Variants in ANKS1B observed in about 807,000 individuals in gnomAD.
ANKS1B encodes the protein ankyrin repeat and sterile alpha motif domain-containing protein 1B.
In ANKS1B, 36 loss-of-function variants were observed where a neutral mutation model predicts 148.3. That is an observed-to-expected ratio of 0.24 (90% CI 0.19 to 0.32). The LOEUF is 0.32. Among genes scored for constraint, ANKS1B ranks in the 10% least tolerant of loss-of-function variants. The probability of loss-of-function intolerance (pLI) is 1.00; values close to 1 mark genes in which losing one functional copy is unlikely to be tolerated. For synonymous variants in ANKS1B, 542 were observed against 560.8 expected (o/e 0.97, Z 0.47); for missense variants, 1,157 against 1,542.6 (o/e 0.75, Z 4.19).
At chr12:99,273,492 T>C (rs1435001399) in intron 12 of ANKS1B, among the ~76,000 whole-genome samples, 1 of 151,918 alleles carries the variant, frequency 6.6e-6, no homozygotes, top group Non-Finnish European at 1.5e-5. Context: ...CCACGGCCCA[T>C]GGGCTGCATG....
chr12:99,534,710 CTTTTTTT>C (rs143251962), intron 9 of ANKS1B, among the ~76,000 whole-genome samples: 1 of 123,832 alleles, frequency 8.1e-6, no homozygotes, highest in Admixed American at 8.5e-5. Context: ...TTTTTCTTTT[CTTTTTTT>C]TTTTTTTTTT....
At chr12:99,482,693 G>C (rs1375113222) in intron 10 of ANKS1B, among the ~76,000 whole-genome samples, 1 of 151,946 alleles carries the variant, frequency 6.6e-6, no homozygotes, top group Non-Finnish European at 1.5e-5. Context: ...TTTCAGCAGT[G>C]TTTTGTAGTT....
intron 25 of ANKS1B, among the ~76,000 whole-genome samples, chr12:98,756,556 CAAAAAAAA>C (rs536086383): frequency 1.1e-3 from 118 of 104,560 alleles, no homozygotes; most frequent in African/African-American, 3.8e-3. Context: ...ACTAAAAATA[CAAAAAAAA>C]AAAAAAAAAA....
chr12:98,890,459 C>A (rs2099750041), intron 17 of ANKS1B, among the ~76,000 whole-genome samples: 1 of 152,086 alleles, frequency 6.6e-6, no homozygotes, highest in Admixed American at 6.5e-5. Flanking sequence ...ATATGGTCTG[C>A]AAGTCTTTTC....
At chr12:99,495,665 A>G (rs1430145039) in intron 10 of ANKS1B, among the ~76,000 whole-genome samples, 1 of 152,208 alleles carries the variant, frequency 6.6e-6, no homozygotes, top group African/African-American at 2.4e-5. Context: ...CTTATCAGCA[A>G]GGCCAGTATT....
intron 17 of ANKS1B, among the ~76,000 whole-genome samples, chr12:98,948,946 A>ACTTTTTTTTTTTT (rs2099849726): frequency 1.1e-5 from 1 of 89,178 alleles, no homozygotes; most frequent in African/African-American, 8.1e-5. Context: ...AGCATGAGCT[A>ACTTTTTTTTTTTT]CTTTTTTTTT....
intron 17 of ANKS1B, among the ~76,000 whole-genome samples, chr12:98,889,840 GGTGGTATGTT>G (rs1368766228): frequency 6.6e-6 from 1 of 152,172 alleles, no homozygotes. Flanking sequence ...AACTGCAACA[GGTGGTATGTT>G]TTGTGAATGC....
rs777580863 is a variant in ANKS1B, at chr12:98,777,668, C to T, written c.3441+3449G>A. Among the ~76,000 whole-genome samples, 5 of 152,362 alleles carry T rather than the reference C, an allele frequency of 3.3e-5. No homozygotes were observed. The South Asian group carries it at 6.2e-4, about 19-fold the overall frequency. On this transcript the variant is annotated intron_variant, in intron 24 of 26. Transcript: ENST00000683438. ...GCAAGTTCCACTTTTAATTCAAGATCGCTTTCTGCTTCCTCCTTCTTAAAT... is the reference window on the plus strand; with the variant it reads ...GCAAGTTCCACTTTTAATTCAAGATTGCTTTCTGCTTCCTCCTTCTTAAAT...
intron 9 of ANKS1B, among the ~76,000 whole-genome samples, chr12:99,577,349 C>T (rs1212463514): frequency 2.0e-5 from 3 of 148,970 alleles, no homozygotes; most frequent in East Asian, 2.0e-4. Flanking sequence ...AAACCAACCC[C>T]GATGCTAGCA....
At chr12:99,920,272 TC>T (rs1485617394) in intron 1 of ANKS1B, among the ~76,000 whole-genome samples, 1 of 152,122 alleles carries the variant, frequency 6.6e-6, no homozygotes, top group African/African-American at 2.4e-5. Context: ...AAAATGTCCC[TC>T]AAGGACAATA....
intron 15 of ANKS1B, among the ~76,000 whole-genome samples, chr12:99,141,760 C>T (rs1445731478): frequency 6.6e-6 from 1 of 152,030 alleles, no homozygotes; most frequent in Non-Finnish European, 1.5e-5. Flanking sequence ...AACATGTTAT[C>T]ATACCTTTTC....
chr12:99,814,342 G>T (rs2068826936), intron 2 of ANKS1B, among the ~76,000 whole-genome samples: 1 of 151,566 alleles, frequency 6.6e-6, no homozygotes, highest in Non-Finnish European at 1.5e-5. Flanking sequence ...TCATAAAAAA[G>T]AATTCACTCA....
chr12:99,254,928 G>A (rs2075080611), intron 12 of ANKS1B, among the ~76,000 whole-genome samples: 1 of 152,184 alleles, frequency 6.6e-6, no homozygotes, highest in Admixed American at 6.5e-5. Flanking sequence ...AGTACTTTGG[G>A]ATCTTTCCAT....
intron 11 of ANKS1B, among the ~76,000 whole-genome samples, chr12:99,422,281 C>G (rs1237562679): frequency 6.6e-6 from 1 of 152,128 alleles, no homozygotes; most frequent in Non-Finnish European, 1.5e-5. Context: ...TCTCCACTTA[C>G]CAGATTTAAG....
intron 14 of ANKS1B, among the ~76,000 whole-genome samples, chr12:99,243,535 C>G (rs1415149729): frequency 6.6e-6 from 1 of 152,156 alleles, no homozygotes; most frequent in Non-Finnish European, 1.5e-5. Flanking sequence ...GGGTATATAC[C>G]TAAAGGATCA....
At chr12:99,192,419 T>C (rs2080856294) in intron 14 of ANKS1B, among the ~76,000 whole-genome samples, 1 of 152,160 alleles carries the variant, frequency 6.6e-6, no homozygotes, top group East Asian at 1.9e-4. Flanking sequence ...TGGAAGCACA[T>C]TAATTATTCA....
In ANKS1B at chr12:99,513,948, CA is replaced by C. The variant is rs199769695; in HGVS notation, c.1273-9308del. 3.4e-3 allele frequency among the ~76,000 whole-genome samples: 524 copies of C among 152,126 alleles called. 6 individuals are homozygous for C. Among genetic ancestry groups the C allele is most frequent in the African/African-American group, 0.011 (439 of 41,514 alleles). On this transcript the variant is annotated intron_variant, in intron 9 of 26. Coordinates refer to ENST00000683438, the MANE Select transcript of ANKS1B (RefSeq NM_001352186.2). ...GATGAGAGAATCATAAAATGCTAGTCATAGAACACGTTGATTCTTTTTAAAC... is the reference window on the plus strand; with the variant it reads ...GATGAGAGAATCATAAAATGCTAGTCTAGAACACGTTGATTCTTTTTAAAC...
At chr12:99,709,343 G>A (rs2056301657) in intron 8 of ANKS1B, among the ~76,000 whole-genome samples, 1 of 152,150 alleles carries the variant, frequency 6.6e-6, no homozygotes, top group African/African-American at 2.4e-5. Flanking sequence ...AAAAGACTCT[G>A]AGCAGATTTT....
downstream of ANKS1B, among the ~76,000 whole-genome samples, chr12:98,740,549 C>T (rs900282928): frequency 6.6e-6 from 1 of 152,152 alleles, no homozygotes; most frequent in African/African-American, 2.4e-5. Context: ...ATCACCAATC[C>T]CTCTTACAGG....
Sources: gnomAD v4.1 joint callset for allele counts (sites outside exome capture counted in the v4.1 genomes callset) on GRCh38, gnomAD v4.1.1 for gene constraint, MANE v1.5 for transcripts, NCBI Gene and HGNC (gene_info 2026-07-23, HGNC 2026-07-21) for gene names.